Variants in SCARB1 observed in about 807,000 individuals in gnomAD.
The protein encoded by SCARB1 is scavenger receptor class B member 1, also known as CD36 and LIMPII analogous 1.
A neutral mutation model predicts 57.2 loss-of-function variants in SCARB1; 30 were observed. The observed-to-expected ratio is 0.52, with a 90% CI of 0.39 to 0.71. The LOEUF (loss-of-function observed/expected upper bound fraction) is 0.71. Among genes scored for constraint, SCARB1 ranks in the 30% least tolerant of loss-of-function variants. SCARB1 has a pLI of 0.00. For synonymous variants in SCARB1, 249 were observed against 268.3 expected (o/e 0.93, Z 0.70); for missense variants, 543 against 671.2 (o/e 0.81, Z 2.11).
At chr12:124,821,483 C>T (rs1011284005) in intron 1 of SCARB1, 1 of 970,278 alleles carries the variant, frequency 1.0e-6, no homozygotes, top group Non-Finnish European at 1.2e-6. Context: ...CTCAATCTCT[C>T]TCTCTCTCTC....
At chr12:124,843,913 T>G (rs913974307) in intron 1 of SCARB1, among the ~76,000 whole-genome samples, 12 of 152,152 alleles carry the variant, frequency 7.9e-5, no homozygotes, top group African/African-American at 2.7e-4. Flanking sequence ...ACCCCAGACA[T>G]TCTCGAAGAC....
chr12:124,844,569 G>A (rs1051509746), intron 1 of SCARB1, among the ~76,000 whole-genome samples: 1 of 152,002 alleles, frequency 6.6e-6, no homozygotes. Context: ...GTTTAAATGA[G>A]GTCAGTGGGG....
At chr12:124,849,327 C>T (rs1952296622) in intron 1 of SCARB1, among the ~76,000 whole-genome samples, 1 of 152,216 alleles carries the variant, frequency 6.6e-6, no homozygotes, top group Admixed American at 6.5e-5. Context: ...CCACCCCTAC[C>T]TCATCCCCTC....
intron 11 of SCARB1, chr12:124,786,061 G>A: frequency 6.6e-7 from 1 of 1,519,436 alleles, no homozygotes; most frequent in Non-Finnish European, 8.8e-7. Context: ...GTGCTGACTT[G>A]ATGAATGGAT....
chr12:124,795,312 C>T, intron 8 of SCARB1, 44 bp from the exon 9 acceptor site: 2 of 1,507,002 alleles, frequency 1.3e-6, no homozygotes, highest in Non-Finnish European at 9.2e-7. Flanking sequence ...CCCCCAAGCT[C>T]CAGGGACACC....
rs184943812 is a variant in SCARB1, at chr12:124,791,092, G to A, written c.1203-3635C>T. Among the ~76,000 whole-genome samples the A allele has an allele frequency of 1.2e-3, 178 of 152,322 alleles. 1 individual carries two copies. Among genetic ancestry groups the A allele is most frequent in the East Asian group, 9.6e-4 (5 of 5,188 alleles). On this transcript the variant is annotated intron_variant, in intron 9 of 12. Transcript: ENST00000261693. ...ACCCTGGGCACTCAGTCTCTCTAGC[G>A]GGCTTCCCTGCCAGATGACATGTCA...
chr12:124,817,606 G>C lies in SCARB1; in HGVS notation c.228C>G (p.Ser76Arg). Residue 76 changes from serine (S) to arginine (R), a missense_variant, in exon 2 of 13, where the codon AGC becomes AGG. Physicochemically the swap from Ser to Arg is moderately radical, Grantham distance 110. Coordinates refer to ENST00000261693, the MANE Select transcript of SCARB1 (RefSeq NM_005505.5). The surrounding 1 kb of genome is among the most constrained non-coding windows in gnomAD (Gnocchi z 4.8). Reference protein sequence around the residue: ...SVYFFDVMNPSEILKGEKPQV... With the variant: ...SVYFFDVMNPREILKGEKPQV... ...GCGGCTTCTCGCCCTTCAGGATCTC[G>C]CTGGGGTTCATGACGTCAAAGAAGT... 6.2e-7 allele frequency: 1 copy of C among 1,614,214 alleles called. No homozygotes were observed. The highest frequency in any genetic ancestry group is 1.1e-5 in the South Asian group (1 of 91,088).
rs889592007 is a variant in SCARB1, at chr12:124,810,619, C to T, written c.727-330G>A. Among the ~76,000 whole-genome samples the T allele has an allele frequency of 2.0e-5, 3 of 152,186 alleles. No homozygotes were observed. Among genetic ancestry groups the T allele is most frequent in the Non-Finnish European group, 4.4e-5 (3 of 68,038 alleles). On this transcript the variant is annotated intron_variant, in intron 5 of 12. Coordinates refer to ENST00000261693, the MANE Select transcript of SCARB1 (RefSeq NM_005505.5). This position sits in a 1 kb window ranked among gnomAD's most constrained non-coding sequence, Gnocchi z 4.0. ...AGGTGGGGCGCGGCTGTGCTCAGCC[C>T]TCAGAGCGGAAGTCAACAGGCACCT...
At chr12:124,778,898 GAAC>G (rs1298633645) in intron 12 of SCARB1, among the ~76,000 whole-genome samples, 2 of 152,234 alleles carry the variant, frequency 1.3e-5, no homozygotes, top group Non-Finnish European at 1.5e-5. Flanking sequence ...AGTCAACATG[GAAC>G]AACCGGGGCA....
At chr12:124,826,176 C>A (rs1053800610) in intron 1 of SCARB1, among the ~76,000 whole-genome samples, 1 of 151,596 alleles carries the variant, frequency 6.6e-6, no homozygotes, top group Non-Finnish European at 1.5e-5. Context: ...ATAAAAAATA[C>A]AAAAATTAGC....
chr12:124,840,551 C>T (rs774366280), intron 1 of SCARB1, among the ~76,000 whole-genome samples: 5 of 152,048 alleles, frequency 3.3e-5, no homozygotes, highest in African/African-American at 2.4e-5. Flanking sequence ...GAGTTGTCCT[C>T]GCTTGATTTT....
At chr12:124,792,975 A>C (rs1402842277) in intron 9 of SCARB1, among the ~76,000 whole-genome samples, 3 of 152,034 alleles carry the variant, frequency 2.0e-5, no homozygotes, top group African/African-American at 7.3e-5. Context: ...CCCAGGTGCC[A>C]CGCGGTGGAA....
chr12:124,778,515 C>G lies in SCARB1; in HGVS notation c.*72G>C, dbSNP rs3825140. 2 of 1,230,584 alleles carry G rather than the reference C, an allele frequency of 1.6e-6. No individual in the cohort carries two copies. The highest frequency in any genetic ancestry group is 2.1e-6 in the Non-Finnish European group (2 of 952,772). The allele number at this position is 1,230,584 out of a possible 1,614,324, so 76.2% of individuals were successfully genotyped here. A position where few individuals can be genotyped will look rare whatever the true frequency, so the allele number is the denominator to read the frequency against. On this transcript the variant is annotated 3_prime_UTR_variant, in exon 13 of 13. Coordinates refer to ENST00000261693, the MANE Select transcript of SCARB1 (RefSeq NM_005505.5). ...GTCCGCTGGGAGAGTCCGGGAGAAG[C>G]GGGGTGTAGGGGCTGGGGGGCCGGT...
rs932732094 is a variant in SCARB1, at chr12:124,824,738, T to C, written c.127-7031A>G. Among the ~76,000 whole-genome samples the C allele has an allele frequency of 9.9e-5, 15 of 152,270 alleles. 1 individual carries two copies. Among genetic ancestry groups the C allele is most frequent in the Admixed American group, 8.5e-4 (13 of 15,292 alleles). ...CGGGTCAGGTGTGAGCAAAGCCCCA[T>C]GGTCTGTGGGTTCCCTGTTCAGACA... On this transcript the variant is annotated intron_variant, in intron 1 of 12. Transcript: ENST00000261693.
intron 1 of SCARB1, among the ~76,000 whole-genome samples, chr12:124,828,699 G>A (rs1001737539): frequency 6.6e-6 from 1 of 152,224 alleles, no homozygotes; most frequent in Non-Finnish European, 1.5e-5. Flanking sequence ...GTCTAGGCCT[G>A]TGCCCTCACG....
At chr12:124,821,137 C>T (rs1374073287) in intron 1 of SCARB1, among the ~76,000 whole-genome samples, 1 of 151,978 alleles carries the variant, frequency 6.6e-6, no homozygotes, top group East Asian at 1.9e-4. Context: ...GCTTGGGAGG[C>T]TGAGGTGGGA....
chr12:124,828,731 G>A (rs553456996), intron 1 of SCARB1, among the ~76,000 whole-genome samples: 11 of 152,304 alleles, frequency 7.2e-5, no homozygotes, highest in African/African-American at 2.6e-4. Context: ...GGCCATCCCC[G>A]CTGGGCTCCT....
At chr12:124,782,910 A>G (rs771506210) in intron 11 of SCARB1, 99 bp from the exon 12 acceptor site, 4 of 1,273,514 alleles carry the variant, frequency 3.1e-6, no homozygotes, top group Non-Finnish European at 4.5e-6. Context: ...GGAAACAGGA[A>G]AGGCACATAA....
In SCARB1 at chr12:124,814,858, G is replaced by T; in HGVS notation, c.426+115C>A. On this transcript the variant is annotated intron_variant, in intron 3 of 12. Coordinates refer to ENST00000261693, the MANE Select transcript of SCARB1 (RefSeq NM_005505.5). The surrounding 1 kb of genome is among the most constrained non-coding windows in gnomAD (Gnocchi z 4.7). ...GGGCCGAAAGCCACCCACCAGGCGTGAGTCCCCACGCTCCGACCACCTCAG... is the reference window on the plus strand; with the variant it reads ...GGGCCGAAAGCCACCCACCAGGCGTTAGTCCCCACGCTCCGACCACCTCAG... The T allele has an allele frequency of 1.5e-6, 2 of 1,366,290 alleles. No individual in the cohort carries two copies. The highest frequency in any genetic ancestry group is 1.0e-6 in the Non-Finnish European group (1 of 979,320). The allele number at this position is 1,366,290 out of a possible 1,614,324, so 84.6% of individuals were successfully genotyped here. A position where few individuals can be genotyped will look rare whatever the true frequency, so the allele number is the denominator to read the frequency against.
Sources: allele counts gnomAD v4.1 joint callset (sites outside exome capture counted in the v4.1 genomes callset), GRCh38; gene constraint gnomAD v4.1.1; non-coding constraint Gnocchi (gnomAD v3.1); transcripts MANE v1.5; gene names NCBI Gene and HGNC (gene_info 2026-07-23, HGNC 2026-07-21).